EXOC4: variants seen among roughly 807,000 people sequenced by gnomAD.
EXOC4 encodes SEC8-like 1.
EXOC4 carries 71 observed loss-of-function variants against 107.2 expected under a neutral mutation model. The observed-to-expected ratio is 0.66, with a 90% CI of 0.55 to 0.81. The LOEUF is 0.81. Among genes scored for constraint, EXOC4 ranks in the 30% least tolerant of loss-of-function variants. The pLI is 0.00. For synonymous variants in EXOC4, 456 were observed against 441.2 expected (o/e 1.03, Z -0.42); for missense variants, 1,108 against 1,189.6 (o/e 0.93, Z 1.01).
intron 10 of EXOC4, among the ~76,000 whole-genome samples, chr7:133,636,871 A>G (rs1212242483): frequency 6.6e-6 from 1 of 152,244 alleles, no homozygotes; most frequent in African/African-American, 2.4e-5. Context: ...TTTTGGTGAT[A>G]GACAGTATGG....
chr7:133,678,976 A>G (rs1410718747), intron 10 of EXOC4, among the ~76,000 whole-genome samples: 2 of 152,110 alleles, frequency 1.3e-5, no homozygotes, highest in Non-Finnish European at 2.9e-5. Context: ...TACTTCTTTC[A>G]ATTAAATACT....
chr7:133,301,555 A>G (rs547859814), intron 3 of EXOC4, among the ~76,000 whole-genome samples: 1 of 152,346 alleles, frequency 6.6e-6, no homozygotes, highest in South Asian at 2.1e-4. Flanking sequence ...GAGTCCTCAA[A>G]GAAATATTTG....
At chr7:133,608,555 T>C (rs1045964899) in intron 9 of EXOC4, among the ~76,000 whole-genome samples, 2 of 144,206 alleles carry the variant, frequency 1.4e-5, no homozygotes, top group African/African-American at 2.6e-5. Flanking sequence ...TCTTTTTTTT[T>C]TTTTTTTTTT....
intron 2 of EXOC4, among the ~76,000 whole-genome samples, chr7:133,285,406 G>A (rs755766699): frequency 6.6e-6 from 1 of 152,140 alleles, no homozygotes; most frequent in African/African-American, 2.4e-5. Flanking sequence ...TTGCAAACCT[G>A]AAAATATCTT....
intron 9 of EXOC4, among the ~76,000 whole-genome samples, chr7:133,530,340 G>C (rs1800158354): frequency 1.3e-5 from 2 of 152,174 alleles, no homozygotes; most frequent in African/African-American, 4.8e-5. Flanking sequence ...TGATTTCATA[G>C]TTGTGCAAAC....
intron 14 of EXOC4, among the ~76,000 whole-genome samples, chr7:133,970,331 GC>G (rs1801175831): frequency 6.6e-6 from 1 of 151,950 alleles, no homozygotes; most frequent in Non-Finnish European, 1.5e-5. Context: ...CCTGGCTTCA[GC>G]CCCCTTTCCA....
intron 9 of EXOC4, among the ~76,000 whole-genome samples, chr7:133,541,786 C>CTATT (rs549899716): frequency 6.6e-6 from 1 of 152,174 alleles, no homozygotes; most frequent in East Asian, 1.9e-4. Flanking sequence ...ATGTTGGCCT[C>CTATT]TATTTGGTGA....
At chr7:133,371,547 A>G (rs1796377751) in intron 6 of EXOC4, among the ~76,000 whole-genome samples, 1 of 152,186 alleles carries the variant, frequency 6.6e-6, no homozygotes, top group South Asian at 2.1e-4. Flanking sequence ...GGTTAATTCC[A>G]GTTGTACCAT....
rs1800816553 is a variant in EXOC4, at chr7:133,956,217, CTG to C, written c.2206+18151_2206+18152del. 4.6e-5 allele frequency among the ~76,000 whole-genome samples: 7 copies of C among 151,908 alleles called. No homozygotes were observed. In the South Asian group the frequency reaches 1.5e-3, roughly 32 times the overall value. On this transcript the variant is annotated intron_variant, in intron 14 of 17. Transcript: ENST00000253861. ...TCTTTGTTTTGTTTTTAGATGAACACTGTGAATTGTAGCTGATAATATGACAT... is the reference window on the plus strand; with the variant it reads ...TCTTTGTTTTGTTTTTAGATGAACACTGAATTGTAGCTGATAATATGACAT...
chr7:134,000,421 G>A (rs1009177308), intron 15 of EXOC4, among the ~76,000 whole-genome samples: 4 of 152,090 alleles, frequency 2.6e-5, no homozygotes, highest in African/African-American at 9.7e-5. Flanking sequence ...GGTGTGGCTT[G>A]TTCATTGTGA....
At chr7:133,464,734 TGTTA>T (rs1300462212) in intron 7 of EXOC4, among the ~76,000 whole-genome samples, 5 of 151,670 alleles carry the variant, frequency 3.3e-5, no homozygotes, top group Non-Finnish European at 7.4e-5. Context: ...AGTAAAATTG[TGTTA>T]GTTAATTAGT....
intron 7 of EXOC4, among the ~76,000 whole-genome samples, chr7:133,437,654 GT>G (rs1203050954): frequency 6.6e-6 from 1 of 152,036 alleles, no homozygotes; most frequent in African/African-American, 2.4e-5. Context: ...TTTCTGTGAT[GT>G]TTCCATACTG....
chr7:133,438,172 A>G (rs867667671), intron 7 of EXOC4, among the ~76,000 whole-genome samples: 3 of 152,118 alleles, frequency 2.0e-5, no homozygotes, highest in Admixed American at 6.6e-5. Context: ...TTTCTTGTTC[A>G]TTATCATTTT....
intron 9 of EXOC4, among the ~76,000 whole-genome samples, chr7:133,546,033 A>C (rs536624812): frequency 1.3e-5 from 2 of 152,328 alleles, no homozygotes; most frequent in South Asian, 4.1e-4. Context: ...GAGGAGAGTG[A>C]GATGATTACT....
chr7:133,849,460 T>C (rs965304492), intron 11 of EXOC4, among the ~76,000 whole-genome samples: 11 of 152,128 alleles, frequency 7.2e-5, no homozygotes, highest in African/African-American at 2.7e-4. Context: ...AGTAGTAAAA[T>C]ATATAATAAG....
At chr7:134,051,740 C>T (rs1202767590) in intron 17 of EXOC4, among the ~76,000 whole-genome samples, 1 of 149,830 alleles carries the variant, frequency 6.7e-6, no homozygotes, top group Non-Finnish European at 1.5e-5. Context: ...AATCCCAGCA[C>T]TTTGGAAGGC....
intron 9 of EXOC4, among the ~76,000 whole-genome samples, chr7:133,623,487 A>G (rs1336073592): frequency 1.3e-5 from 2 of 152,234 alleles, no homozygotes; most frequent in East Asian, 3.8e-4. Flanking sequence ...CATTCAACAA[A>G]TATGTACTGT....
At chr7:133,901,095 C>G (rs1006559633) in intron 12 of EXOC4, among the ~76,000 whole-genome samples, 5 of 152,102 alleles carry the variant, frequency 3.3e-5, no homozygotes, top group Admixed American at 6.6e-5. Flanking sequence ...GTCTCAAACT[C>G]CTGACCTCAG....
At chr7:133,870,164 T>C (rs759635520) in intron 11 of EXOC4, among the ~76,000 whole-genome samples, 5 of 152,152 alleles carry the variant, frequency 3.3e-5, no homozygotes, top group Non-Finnish European at 7.4e-5. Flanking sequence ...CTTTATGAGC[T>C]CATGAATTTT....
Sources: allele counts gnomAD v4.1 joint callset (sites outside exome capture counted in the v4.1 genomes callset), GRCh38; gene constraint gnomAD v4.1.1; transcripts MANE v1.5; gene names NCBI Gene and HGNC (gene_info 2026-07-23, HGNC 2026-07-21).